Variants in WDR33 observed in about 807,000 individuals in gnomAD.
The protein encoded by WDR33 is WD repeat domain 33.
WDR33 carries 47 observed loss-of-function variants against 164.9 expected under a neutral mutation model. That is an observed-to-expected ratio of 0.29 (90% CI 0.23 to 0.36). WDR33 has a LOEUF of 0.36. Among genes scored for constraint, WDR33 ranks in the 10% least tolerant of loss-of-function variants. WDR33 has a pLI of 1.00. For synonymous variants in WDR33, 505 were observed against 589.0 expected (o/e 0.86, Z 2.06); for missense variants, 1,137 against 1,754.1 (o/e 0.65, Z 6.28).
chr2:127,774,727 G>T (rs1215444225), intron 1 of WDR33, among the ~76,000 whole-genome samples: 1 of 152,102 alleles, frequency 6.6e-6, no homozygotes, highest in Non-Finnish European at 1.5e-5. Flanking sequence ...CTACTCGGGA[G>T]GCTGAGGCAG....
chr2:127,770,874 TTGC>T lies in WDR33; in HGVS notation c.105_107del (p.Gln36del). The T allele has an allele frequency of 6.2e-7, 1 of 1,614,188 alleles. No individual in the cohort carries two copies. Among genetic ancestry groups the T allele is most frequent in the Non-Finnish European group, 8.5e-7 (1 of 1,180,040 alleles). ...CATCAAAAGTAAGCTGTTGCATTGC[TTGC>T]TGTTGTGCAAAATCAGGTCGCTTAT... On this transcript the variant is annotated inframe_deletion, in exon 2 of 22. Coordinates refer to ENST00000322313, the MANE Select transcript of WDR33 (RefSeq NM_018383.5). This position sits in a 1 kb window ranked among gnomAD's most constrained non-coding sequence, Gnocchi z 4.9.
chr2:127,705,134 A>G lies in WDR33; in HGVS notation c.*1189T>C. The G allele has an allele frequency of 6.0e-6, 1 of 167,252 alleles. No individual in the cohort carries two copies. The allele number at this position is 167,252 out of a possible 1,614,324, so 10.4% of individuals were successfully genotyped here. ...TAAATTTGCCAAATAAATTTGACTG[A>G]TGCCAAAACTGAAGCTGCCAATGTA... On this transcript the variant is annotated 3_prime_UTR_variant, in exon 22 of 22. Transcript: ENST00000322313. The surrounding 1 kb of genome is among the most constrained non-coding windows in gnomAD (Gnocchi z 4.5).
intron 7 of WDR33, among the ~76,000 whole-genome samples, chr2:127,729,205 G>A (rs1201241439): frequency 6.6e-6 from 1 of 152,158 alleles, no homozygotes; most frequent in East Asian, 1.9e-4. Flanking sequence ...TATGTGTAGC[G>A]ACTCATTTTA....
intron 17 of WDR33, among the ~76,000 whole-genome samples, chr2:127,715,416 C>T (rs1686275791): frequency 6.6e-6 from 1 of 152,080 alleles, no homozygotes; most frequent in Admixed American, 6.6e-5. Context: ...TTTCTTTTGG[C>T]TATTTCAATT....
At chr2:127,747,348 T>C (rs137863264) in intron 7 of WDR33, among the ~76,000 whole-genome samples, 43 of 152,030 alleles carry the variant, frequency 2.8e-4, no homozygotes, top group African/African-American at 1.0e-3. Context: ...CTGTGTGAAA[T>C]AGTCTTTAGG....
chr2:127,709,627 G>A lies in WDR33; in HGVS notation c.3473-45C>T. The A allele has an allele frequency of 2.5e-6, 4 of 1,612,428 alleles. No individual in the cohort carries two copies. The highest frequency in any genetic ancestry group is 3.4e-6 in the Non-Finnish European group (4 of 1,178,460). ...ATGCTGCACTCAGACTGTTCCTGGT[G>A]TATTCACAACCAGTGTATTCTGCAC... On this transcript the variant is annotated intron_variant, in intron 19 of 21. Coordinates refer to ENST00000322313, the MANE Select transcript of WDR33 (RefSeq NM_018383.5). This position sits in a 1 kb window ranked among gnomAD's most constrained non-coding sequence, Gnocchi z 5.0.
chr2:127,719,597 T>A lies in WDR33; in HGVS notation c.2428A>T (p.Met810Leu). The A allele has an allele frequency of 6.2e-7, 1 of 1,613,690 alleles. No individual in the cohort carries two copies. Among genetic ancestry groups the A allele is most frequent in the Middle Eastern group, 1.7e-4 (1 of 6,058 alleles). The change falls in exon 16 of 22, where the codon ATG (methionine) becomes TTG (leucine). Residue 810 changes from methionine (M) to leucine (L), a missense_variant. This residue lies in a region of WDR33 where 867 missense variants were observed against 1,073.0 expected (regional missense o/e 0.81). Coordinates refer to ENST00000322313, the MANE Select transcript of WDR33 (RefSeq NM_018383.5). The surrounding 1 kb of genome is among the most constrained non-coding windows in gnomAD (Gnocchi z 6.5). ...CCACCTGGAGGGTGAGGTCCTCTCA[T>A]CTCTTGAGGCGGGTGGCCCATAATC... ...GMIMGHPPQE[M>L]RGPHPPGGLL... is the part of the protein sequence containing the mutation.
chr2:127,711,707 C>T (rs1161158437), intron 18 of WDR33, among the ~76,000 whole-genome samples: 2 of 145,002 alleles, frequency 1.4e-5, no homozygotes, highest in African/African-American at 2.6e-5. Flanking sequence ...TTTCTCACCA[C>T]CCCTGAGGGT....
chr2:127,720,085 C>T lies in WDR33; in HGVS notation c.1940G>A (p.Gly647Glu). 6.2e-7 allele frequency: 1 copy of T among 1,614,152 alleles called. No individual in the cohort carries two copies. Among genetic ancestry groups the T allele is most frequent in the East Asian group, 2.2e-5 (1 of 44,870 alleles). Residue 647 changes from glycine (G) to glutamate (E), a missense_variant, in exon 16 of 22, where the codon GGG (glycine) becomes GAG (glutamate). Coordinates refer to ENST00000322313, the MANE Select transcript of WDR33 (RefSeq NM_018383.5). The surrounding 1 kb of genome is among the most constrained non-coding windows in gnomAD (Gnocchi z 5.9). ...TGGTCCCATGAATCCTTGTGGCCCC[C>T]CACCTCCCTGATGCAGTGGAGGACC... ...PQGPPLHQGG[G>E]GPQGFMGPQG...
Position 127,702,275 on chromosome 2 carries a change from G to T in WDR33, c.*4048C>A. On this transcript the variant is annotated 3_prime_UTR_variant, in exon 22 of 22. Coordinates refer to ENST00000322313, the MANE Select transcript of WDR33 (RefSeq NM_018383.5). ...ACTGCACGCCGCTGTGCGGAAGCCC[G>T]TGGCGAAGGCCCTGCCCTAACAGCC... The T allele has an allele frequency of 9.0e-7, 1 of 1,106,110 alleles. No homozygotes were observed. The highest frequency in any genetic ancestry group is 4.6e-5 in the East Asian group (1 of 21,780). 68.5% of individuals were successfully genotyped at this position (1,106,110 alleles called of 1,614,324 possible).
Position 127,753,977 on chromosome 2 carries a change from T to G in WDR33, c.724+9085A>C, listed in dbSNP as rs1687445701. Among the ~76,000 whole-genome samples the G allele has an allele frequency of 1.3e-5, 2 of 152,182 alleles. 1 individual carries two copies. Among genetic ancestry groups the G allele is most frequent in the South Asian group, 4.1e-4 (2 of 4,828 alleles). ...AGAAATCTTTGACTCCTAAAATTATTCCATTTCTTATCTAGAGGTAGTTAG... is the reference window on the plus strand; with the variant it reads ...AGAAATCTTTGACTCCTAAAATTATGCCATTTCTTATCTAGAGGTAGTTAG... On this transcript the variant is annotated intron_variant, in intron 7 of 21. Coordinates refer to ENST00000322313, the MANE Select transcript of WDR33 (RefSeq NM_018383.5).
In WDR33 at chr2:127,763,976, G is replaced by A. The variant is rs1370129546; in HGVS notation, c.627-817C>T. On this transcript the variant is annotated intron_variant, in intron 6 of 21. Transcript: ENST00000322313. The surrounding 1 kb of genome is among the most constrained non-coding windows in gnomAD (Gnocchi z 4.5). ...ATTTCTGTTAAGATTCTGAAAGTATGAACAAATGACTACAGTGGATGATGT... is the reference window on the plus strand; with the variant it reads ...ATTTCTGTTAAGATTCTGAAAGTATAAACAAATGACTACAGTGGATGATGT... 2 of 985,744 alleles carry A rather than the reference G, an allele frequency of 2.0e-6. No homozygotes were observed. The highest frequency in any genetic ancestry group is 2.3e-4 in the East Asian group (2 of 8,840). The allele number at this position is 985,744 out of a possible 1,614,324, so 61.1% of individuals were successfully genotyped here.
At chr2:127,740,211 C>T (rs140197911) in intron 7 of WDR33, among the ~76,000 whole-genome samples, 39 of 152,236 alleles carry the variant, frequency 2.6e-4, no homozygotes, top group African/African-American at 8.2e-4. Flanking sequence ...CTGATGGTTC[C>T]GTCTACATTT....
chr2:127,768,919 C>G lies in WDR33; in HGVS notation c.273+14G>C. 1.3e-6 allele frequency: 2 copies of G among 1,588,362 alleles called. No homozygotes were observed. The highest frequency in any genetic ancestry group is 1.7e-6 in the Non-Finnish European group (2 of 1,164,796). On this transcript the variant is annotated intron_variant, in intron 3 of 21. Coordinates refer to ENST00000322313, the MANE Select transcript of WDR33 (RefSeq NM_018383.5). ...AAGTGTTTATTAAGCTAGTATGACACATCATGTACTTACATCATTGTAATA... is the reference window on the plus strand; with the variant it reads ...AAGTGTTTATTAAGCTAGTATGACAGATCATGTACTTACATCATTGTAATA...
intron 1 of WDR33, among the ~76,000 whole-genome samples, chr2:127,806,907 T>A (rs1689459396): frequency 6.6e-6 from 1 of 152,146 alleles, no homozygotes; most frequent in African/African-American, 2.4e-5. Flanking sequence ...AGGGAGGATA[T>A]AGAGTTAAAG....
chr2:127,706,699 G>C lies in WDR33; in HGVS notation c.3782-147C>G. 1 of 723,802 alleles carries C rather than the reference G, an allele frequency of 1.4e-6. No homozygotes were observed. The highest frequency in any genetic ancestry group is 2.2e-6 in the Non-Finnish European group (1 of 458,532). 44.8% of individuals were successfully genotyped at this position (723,802 alleles called of 1,614,324 possible). A position where few individuals can be genotyped will look rare whatever the true frequency, so the allele number is the denominator to read the frequency against. ...GCAGTGGTATTCAGCGTACTGAGAG[G>C]TGTGCCTCTACCCTTTCCTGACCCT... On this transcript the variant is annotated intron_variant, in intron 21 of 21. Coordinates refer to ENST00000322313, the MANE Select transcript of WDR33 (RefSeq NM_018383.5). The surrounding 1 kb of genome is among the most constrained non-coding windows in gnomAD (Gnocchi z 5.1).
intron 7 of WDR33, among the ~76,000 whole-genome samples, chr2:127,757,001 T>C (rs1466260089): frequency 2.0e-5 from 3 of 150,768 alleles, no homozygotes; most frequent in Non-Finnish European, 4.4e-5. Context: ...TGCTTGAACC[T>C]GCAAGGTGGA....
chr2:127,766,056 C>T (rs574583669), intron 4 of WDR33, among the ~76,000 whole-genome samples: 32 of 152,092 alleles, frequency 2.1e-4, no homozygotes, highest in African/African-American at 7.2e-4. Flanking sequence ...CACTTAAGGC[C>T]CTTTAAATAT....
At chr2:127,797,309 T>C (rs1191180837) in intron 1 of WDR33, among the ~76,000 whole-genome samples, 1 of 152,034 alleles carries the variant, frequency 6.6e-6, no homozygotes, top group Non-Finnish European at 1.5e-5. Context: ...CTGGCCAACA[T>C]GGTGAAACCC....
Sources: allele counts gnomAD v4.1 joint callset (sites outside exome capture counted in the v4.1 genomes callset), GRCh38; gene constraint gnomAD v4.1.1; regional missense constraint gnomAD v4.1.1; non-coding constraint Gnocchi (gnomAD v3.1); transcripts MANE v1.5; gene names NCBI Gene and HGNC (gene_info 2026-07-23, HGNC 2026-07-21).